JAK1: variants seen among roughly 807,000 people sequenced by gnomAD.
JAK1 encodes tyrosine-protein kinase JAK1.
In JAK1, 16 loss-of-function variants were observed where a neutral mutation model predicts 136.6. That is an observed-to-expected ratio of 0.12 (90% CI 0.08 to 0.18). The LOEUF is 0.18. Among genes scored for constraint, JAK1 ranks in the 10% least tolerant of loss-of-function variants. The pLI is 1.00. For synonymous variants in JAK1, 492 were observed against 519.5 expected (o/e 0.95, Z 0.72); for missense variants, 859 against 1,450.1 (o/e 0.59, Z 6.62).
intron 4 of JAK1, among the ~76,000 whole-genome samples, chr1:64,875,761 T>C (rs951463747): frequency 2.6e-5 from 4 of 152,154 alleles, no homozygotes; most frequent in African/African-American, 9.7e-5. Context: ...CCTCTGAAGC[T>C]GCTGGACTGT....
chr1:64,970,967 C>T (rs1347627813), upstream of JAK1, among the ~76,000 whole-genome samples: 3 of 152,194 alleles, frequency 2.0e-5, no homozygotes, highest in East Asian at 5.8e-4. Flanking sequence ...CAGTTTCACA[C>T]ATAAATCTTC....
intron 1 of JAK1, among the ~76,000 whole-genome samples, chr1:65,046,439 T>G (rs1241718612): frequency 9.9e-5 from 15 of 152,174 alleles, no homozygotes; most frequent in Admixed American, 7.9e-4. Flanking sequence ...CTGAGGAGTA[T>G]AAGTAAACCA....
chr1:64,937,532 A>T lies in JAK1; in HGVS notation c.-78+28801T>A, dbSNP rs556450143. 3.3e-5 allele frequency among the ~76,000 whole-genome samples: 5 copies of T among 152,306 alleles called. No homozygotes were observed. The East Asian group carries it at 9.6e-4, about 29-fold the overall frequency. ...AAAGAAAGGAGCGTATCACTGTTAAACTTCAATTATACAACACAGGCCCTC... is the reference window on the plus strand; with the variant it reads ...AAAGAAAGGAGCGTATCACTGTTAATCTTCAATTATACAACACAGGCCCTC... On this transcript the variant is annotated intron_variant, in intron 1 of 24. Coordinates refer to ENST00000342505, the MANE Select transcript of JAK1 (RefSeq NM_002227.4).
chr1:64,983,126 T>C (rs1646564673), intron 2 of JAK1, among the ~76,000 whole-genome samples: 1 of 152,058 alleles, frequency 6.6e-6, no homozygotes, highest in Non-Finnish European at 1.5e-5. Flanking sequence ...GAAAGGGAGA[T>C]CCAGCAACAT....
intron 2 of JAK1, 42 bp from the exon 3 acceptor site, chr1:64,883,517 G>T (rs759372503): frequency 1.3e-6 from 2 of 1,550,736 alleles, no homozygotes; most frequent in Admixed American, 3.5e-5. Context: ...CACTCTATGT[G>T]CTAAAAGTTC....
At chr1:64,989,014 A>G (rs373063184) in intron 2 of JAK1, among the ~76,000 whole-genome samples, 7,718 of 144,262 alleles carry the variant, frequency 0.053, 279 homozygotes, top group South Asian at 0.14. Flanking sequence ...ATATATATAT[A>G]TATATATATA....
In JAK1 at chr1:64,844,976, C is replaced by G. The variant is rs1237021196; in HGVS notation, c.2116-87G>C. ...TGGTCCCTCAGGTCATCTCTTCCTA[C>G]CCCCAGCTACAGCCAGATCTGGACA... is the stretch of plus-strand genomic sequence containing the variant. On this transcript the variant is annotated intron_variant, in intron 15 of 24. Coordinates refer to ENST00000342505, the MANE Select transcript of JAK1 (RefSeq NM_002227.4). The surrounding 1 kb of genome is among the most constrained non-coding windows in gnomAD (Gnocchi z 5.7). The G allele has an allele frequency of 2.6e-6, 4 of 1,556,842 alleles. No individual in the cohort carries two copies. In the African/African-American group the frequency reaches 5.4e-5, roughly 21 times the overall value.
At chr1:65,047,698 A>G (rs930977089) in intron 1 of JAK1, among the ~76,000 whole-genome samples, 1 of 151,978 alleles carries the variant, frequency 6.6e-6, no homozygotes, top group Admixed American at 6.6e-5. Flanking sequence ...CAGCCCGGGC[A>G]ACAGAGCGAG....
chr1:64,982,098 A>G (rs372750184), intron 2 of JAK1, among the ~76,000 whole-genome samples: 3 of 150,166 alleles, frequency 2.0e-5, no homozygotes, highest in African/African-American at 2.5e-5. Context: ...ACACACACAC[A>G]CACGCACACA....
At chr1:64,908,115 A>G (rs6672608) in intron 1 of JAK1, among the ~76,000 whole-genome samples, 118,640 of 152,122 alleles carry the variant, frequency 0.78, 47,585 homozygotes, top group Non-Finnish European at 0.88. Flanking sequence ...CTTTAGGAAT[A>G]CCCATTTATC....
intron 1 of JAK1, among the ~76,000 whole-genome samples, chr1:64,886,551 T>C (rs189831757): frequency 6.6e-6 from 1 of 152,246 alleles, no homozygotes; most frequent in East Asian, 1.9e-4. Flanking sequence ...TCAAAGAGGA[T>C]ACTAACTTCA....
Position 64,869,262 on chromosome 1 carries a change from A to C in JAK1, c.647+49T>G, listed in dbSNP as rs368229607. ...AGCTGAAATGTGTAAGAACATGTAG[A>C]AACACCACCATCCTCACAATCAATT... is the stretch of plus-strand genomic sequence containing the variant. On this transcript the variant is annotated intron_variant, in intron 6 of 24. Transcript: ENST00000342505. 2.1e-4 allele frequency: 325 copies of C among 1,570,602 alleles called. 1 individual carries two copies. Among genetic ancestry groups the C allele is most frequent in the Middle Eastern group, 1.0e-3 (6 of 5,946 alleles).
rs768272377 is a variant in JAK1 at position 64,883,393 on chromosome 1, T to C, written c.89A>G (p.Glu30Gly). 1 of 1,614,032 alleles carries C rather than the reference T, an allele frequency of 6.2e-7. No homozygotes were observed. Among genetic ancestry groups the C allele is most frequent in the Non-Finnish European group, 8.5e-7 (1 of 1,179,880 alleles). The change falls in exon 3 of 25, where the codon GAG becomes GGG. Residue 30 changes from glutamate to glycine, a missense_variant. This residue lies in a region of JAK1 where 353 missense variants were observed against 494.0 expected (regional missense o/e 0.71). Coordinates refer to ENST00000342505, the MANE Select transcript of JAK1 (RefSeq NM_002227.4). ...CACTTCCACCCCTGGCTCAGGGGCC[T>C]CCAGGTTCACCTCAGTCTTCTTGGA... ...RSSKKTEVNLEAPEPGVEVIF... is the reference protein window; with the variant it reads ...RSSKKTEVNLGAPEPGVEVIF...
intron 2 of JAK1, among the ~76,000 whole-genome samples, chr1:65,024,366 A>G (rs953979119): frequency 6.6e-6 from 1 of 152,166 alleles, no homozygotes; most frequent in Non-Finnish European, 1.5e-5. Context: ...GACGTTGAAC[A>G]TCTTTTCAAG....
intron 2 of JAK1, among the ~76,000 whole-genome samples, chr1:64,981,844 T>G (rs1190589242): frequency 1.3e-5 from 2 of 152,168 alleles, no homozygotes; most frequent in African/African-American, 4.8e-5. Flanking sequence ...CTTTTCACTG[T>G]CTCACACTCC....
chr1:65,023,764 T>G (rs373609750), intron 2 of JAK1, among the ~76,000 whole-genome samples: 4 of 152,168 alleles, frequency 2.6e-5, no homozygotes, highest in South Asian at 4.2e-4. Flanking sequence ...ATTACAGGTG[T>G]GAGCTACTGC....
chr1:64,977,691 A>T (rs1171469438), intron 2 of JAK1, among the ~76,000 whole-genome samples: 2 of 152,124 alleles, frequency 1.3e-5, no homozygotes, highest in Non-Finnish European at 2.9e-5. Context: ...TTGGCCTCCC[A>T]AAGTGCTGGG....
chr1:64,838,799 T>C (rs1478292755), intron 20 of JAK1, among the ~76,000 whole-genome samples: 5 of 152,152 alleles, frequency 3.3e-5, no homozygotes, highest in African/African-American at 1.2e-4. Flanking sequence ...GCATAAGCAC[T>C]CACTGAGATA....
At chr1:64,915,430 T>C (rs1425243288) in intron 1 of JAK1, among the ~76,000 whole-genome samples, 1 of 151,852 alleles carries the variant, frequency 6.6e-6, no homozygotes, top group African/African-American at 2.4e-5. Context: ...ACCACAGAAG[T>C]CTCCAAAGTC....
Sources: allele counts gnomAD v4.1 joint callset (sites outside exome capture counted in the v4.1 genomes callset), GRCh38; gene constraint gnomAD v4.1.1; regional missense constraint gnomAD v4.1.1; non-coding constraint Gnocchi (gnomAD v3.1); transcripts MANE v1.5; gene names NCBI Gene and HGNC (gene_info 2026-07-23, HGNC 2026-07-21).